CABIN1: variants seen among roughly 807,000 people sequenced by gnomAD.
CABIN1 encodes the protein calcineurin binding protein 1.
CABIN1 carries 133 observed loss-of-function variants against 227.7 expected under a neutral mutation model. The observed-to-expected ratio is 0.58, with a 90% CI of 0.51 to 0.67. The LOEUF (loss-of-function observed/expected upper bound fraction) is 0.67, where lower values mean the gene tolerates loss of function less well. Among genes scored for constraint, CABIN1 ranks in the 30% least tolerant of loss-of-function variants. The pLI is 0.00. For missense variants in CABIN1, 2,408 were observed against 2,852.5 expected (o/e 0.84, Z 3.55); for synonymous variants, 1,086 against 1,155.1 (o/e 0.94, Z 1.21).
chr22:24,050,460 G>T (rs1252280548), intron 7 of CABIN1, among the ~76,000 whole-genome samples: 2 of 152,182 alleles, frequency 1.3e-5, no homozygotes, highest in Non-Finnish European at 2.9e-5. Context: ...ATGACTTTTT[G>T]TTGGCATGGG....
chr22:24,044,146 G>A (rs2037657379), intron 6 of CABIN1, among the ~76,000 whole-genome samples: 1 of 152,188 alleles, frequency 6.6e-6, no homozygotes, highest in South Asian at 2.1e-4. Flanking sequence ...AAGATGCTAG[G>A]TTGAGACATC....
Position 24,113,495 on chromosome 22 carries a change from T to A in CABIN1, c.4118-71T>A, listed in dbSNP as rs9620356. On this transcript the variant is annotated intron_variant, in intron 26 of 36. Coordinates refer to ENST00000263119, the MANE Select transcript of CABIN1 (RefSeq NM_012295.4). ...AGGCCACCGGCAGGGAGACTCACCA[T>A]AGGAAGGCCCCCTGTGTTGGAGGTG... The A allele has an allele frequency of 8.4e-6, 12 of 1,430,288 alleles. No homozygotes were observed. The East Asian group carries it at 2.1e-4, about 24-fold the overall frequency. The allele number at this position is 1,430,288 out of a possible 1,614,324, so 88.6% of individuals were successfully genotyped here. A position where few individuals can be genotyped will look rare whatever the true frequency, so the allele number is the denominator to read the frequency against.
At chr22:24,160,231 C>G (rs2046072752) in intron 29 of CABIN1, 1 of 152,216 alleles carries the variant, frequency 6.6e-6, no homozygotes, top group Admixed American at 6.5e-5. Flanking sequence ...ACACCTGACC[C>G]TCGTCCACTC....
At chr22:24,117,108 G>A (rs1017586183) in intron 27 of CABIN1, among the ~76,000 whole-genome samples, 3 of 152,224 alleles carry the variant, frequency 2.0e-5, no homozygotes, top group Non-Finnish European at 4.4e-5. Flanking sequence ...TGTGAGGCCT[G>A]TTCAGCAGTG....
intron 28 of CABIN1, among the ~76,000 whole-genome samples, chr22:24,127,125 G>C (rs934734063): frequency 1.3e-5 from 2 of 152,170 alleles, no homozygotes; most frequent in African/African-American, 4.8e-5. Flanking sequence ...AGTGAGTTGG[G>C]GGTGGCCTGT....
At chr22:24,169,321 C>T (rs566816217) in intron 33 of CABIN1, among the ~76,000 whole-genome samples, 5 of 152,160 alleles carry the variant, frequency 3.3e-5, no homozygotes, top group African/African-American at 4.8e-5. Flanking sequence ...CCGATGCCCC[C>T]GGTAGCCTCG....
chr22:24,153,638 T>G (rs571823002), intron 29 of CABIN1, among the ~76,000 whole-genome samples: 13 of 152,168 alleles, frequency 8.5e-5, no homozygotes, highest in Non-Finnish European at 1.9e-4. Flanking sequence ...GGCCTGAGTG[T>G]TTTTACCTGT....
intron 23 of CABIN1, among the ~76,000 whole-genome samples, chr22:24,088,423 C>T (rs2041317045): frequency 6.6e-6 from 1 of 152,138 alleles, no homozygotes; most frequent in Non-Finnish European, 1.5e-5. Context: ...GCCTGATCAA[C>T]ATAGTGAAAC....
intron 23 of CABIN1, among the ~76,000 whole-genome samples, chr22:24,088,000 G>A (rs1175969908): frequency 6.6e-6 from 1 of 152,224 alleles, no homozygotes. Flanking sequence ...GGGGAGAGGT[G>A]TTGGCCACCA....
At chr22:24,142,597 G>T (rs1332487424) in intron 29 of CABIN1, among the ~76,000 whole-genome samples, 1 of 152,060 alleles carries the variant, frequency 6.6e-6, no homozygotes, top group Non-Finnish European at 1.5e-5. Context: ...ACCTTCCCTG[G>T]TGGGCCTGTG....
chr22:24,074,343 G>T (rs1352009436), intron 18 of CABIN1, among the ~76,000 whole-genome samples: 1 of 152,124 alleles, frequency 6.6e-6, no homozygotes, highest in Non-Finnish European at 1.5e-5. Context: ...AAAGGAAAAA[G>T]AAAGAAAAGA....
chr22:24,170,763 C>T (rs1426532470), intron 33 of CABIN1, among the ~76,000 whole-genome samples: 3 of 149,156 alleles, frequency 2.0e-5, no homozygotes, highest in Non-Finnish European at 3.0e-5. Context: ...CCCCCCCCCC[C>T]GCCCCCATGC....
chr22:24,147,331 T>TCCCTC (rs2045201413), intron 29 of CABIN1, among the ~76,000 whole-genome samples: 1 of 58,590 alleles, frequency 1.7e-5, no homozygotes, highest in Non-Finnish European at 3.3e-5. Context: ...CTCCCTCCTC[T>TCCCTC]CCTCCCTCCC....
At chr22:24,044,736 C>G (rs1242484501) in intron 6 of CABIN1, among the ~76,000 whole-genome samples, 1 of 152,168 alleles carries the variant, frequency 6.6e-6, no homozygotes, top group African/African-American at 2.4e-5. Flanking sequence ...TGCTTTGCTA[C>G]TTTATAACAA....
chr22:24,120,490 C>A (rs897225797), intron 28 of CABIN1, among the ~76,000 whole-genome samples: 1 of 152,306 alleles, frequency 6.6e-6, no homozygotes, highest in Non-Finnish European at 1.5e-5. Flanking sequence ...CGTTGTCCTG[C>A]ACCATGTAGC....
chr22:24,136,347 CTTTTTTTTTTTTTTT>C (rs71184947), intron 29 of CABIN1, among the ~76,000 whole-genome samples: 1 of 113,226 alleles, frequency 8.8e-6, no homozygotes, highest in Non-Finnish European at 1.8e-5. Context: ...GCCATCCCTC[CTTTTTTTTTTTTTTT>C]TTTTTTTTGA....
chr22:24,048,099 G>A (rs917123084), intron 6 of CABIN1, among the ~76,000 whole-genome samples: 1 of 152,190 alleles, frequency 6.6e-6, no homozygotes, highest in African/African-American at 2.4e-5. Context: ...ATAACTTGAG[G>A]ATGCTCATTA....
At chr22:24,031,620 G>T (rs1019149226) in intron 1 of CABIN1, among the ~76,000 whole-genome samples, 6 of 152,218 alleles carry the variant, frequency 3.9e-5, no homozygotes, top group Non-Finnish European at 7.3e-5. Context: ...CAGCAGTTCA[G>T]ACGGAGGCTA....
At chr22:24,065,852 A>G (rs999617821) in intron 15 of CABIN1, among the ~76,000 whole-genome samples, 1 of 152,364 alleles carries the variant, frequency 6.6e-6, no homozygotes, top group Non-Finnish European at 1.5e-5. Context: ...AAAAATATGA[A>G]AACCAGTCAG....
Sources: allele counts gnomAD v4.1 joint callset (sites outside exome capture counted in the v4.1 genomes callset), GRCh38; gene constraint gnomAD v4.1.1; transcripts MANE v1.5; gene names NCBI Gene and HGNC (gene_info 2026-07-23, HGNC 2026-07-21).